Variants in MYO7A observed in about 807,000 individuals in gnomAD.
The protein encoded by MYO7A is myosin VIIA.
MYO7A carries 210 observed loss-of-function variants against 263.8 expected under a neutral mutation model. The observed-to-expected ratio is 0.80, with a 90% CI of 0.71 to 0.89. The LOEUF (loss-of-function observed/expected upper bound fraction) is 0.89, where lower values mean the gene tolerates loss of function less well. Ranked by LOEUF, MYO7A falls within the 40% of genes least tolerant of loss-of-function variation. The pLI is 0.00. For synonymous variants in MYO7A, 1,239 were observed against 1,197.3 expected (o/e 1.03, Z -0.72); for missense variants, 2,820 against 2,968.3 (o/e 0.95, Z 1.16).
intron 44 of MYO7A, among the ~76,000 whole-genome samples, chr11:77,209,602 C>T (rs1204609639): frequency 3.4e-5 from 5 of 148,156 alleles, no homozygotes; most frequent in African/African-American, 1.2e-4. Context: ...TCAGCCTTGA[C>T]ATCTGCTCCT....
Position 77,132,680 on chromosome 11 carries a change from G to T in MYO7A, c.18+2028G>T, listed in dbSNP as rs1591169270. On this transcript the variant is annotated intron_variant, in intron 2 of 48. Coordinates refer to ENST00000409709, the MANE Select transcript of MYO7A (RefSeq NM_000260.4). ...ATTTTTGTATTTTTAATAAAGACGG[G>T]GTTTCACCATGTTGGCCAGGATGGT... 2.0e-5 allele frequency among the ~76,000 whole-genome samples: 3 copies of T among 152,262 alleles called. No homozygotes were observed. The South Asian group carries it at 6.2e-4, about 32-fold the overall frequency.
At chr11:77,158,225 T>C in intron 8 of MYO7A, 52 bp from the exon 9 acceptor site, 2 of 1,512,644 alleles carry the variant, frequency 1.3e-6, no homozygotes, top group Non-Finnish European at 1.8e-6. Flanking sequence ...ACTGCCCCTC[T>C]GGGGGTACAC....
chr11:77,162,706 A>G lies in MYO7A; in HGVS notation c.1555-147A>G, dbSNP rs180781662. The G allele has an allele frequency of 5.6e-4, 573 of 1,025,000 alleles. 9 individuals are homozygous for G. The Admixed American group carries it at 0.013, about 24-fold the overall frequency. The allele number at this position is 1,025,000 out of a possible 1,614,324, so 63.5% of individuals were successfully genotyped here. ...ATTCATCCACTTAACAGATGGGGAA[A>G]TGGGGTTCCAGAGAGCGCCTATGTG... On this transcript the variant is annotated intron_variant, in intron 13 of 48. Coordinates refer to ENST00000409709, the MANE Select transcript of MYO7A (RefSeq NM_000260.4).
rs1361931124 is a variant in MYO7A, at chr11:77,179,409, G to T, written c.2367+280G>T. 2.6e-5 allele frequency among the ~76,000 whole-genome samples: 4 copies of T among 152,232 alleles called. No individual in the cohort carries two copies. In the South Asian group the frequency reaches 6.2e-4, roughly 24 times the overall value. On this transcript the variant is annotated intron_variant, in intron 20 of 48. Transcript: ENST00000409709. ...TAGAGATCTCAGACAGGGTGAGAGT[G>T]GCTGGGTCACATGGACCTCTGTGCA...
intron 3 of MYO7A, among the ~76,000 whole-genome samples, chr11:77,146,528 T>G (rs929757465): frequency 1.3e-5 from 2 of 151,958 alleles, no homozygotes; most frequent in Non-Finnish European, 2.9e-5. Flanking sequence ...TTTAGAGGGT[T>G]GAATGGGCAG....
chr11:77,131,941 G>A (rs560933831), intron 2 of MYO7A, among the ~76,000 whole-genome samples: 11 of 152,204 alleles, frequency 7.2e-5, no homozygotes, highest in East Asian at 1.9e-4. Flanking sequence ...CCTTGGGCAC[G>A]TTACTCAGCC....
At chr11:77,189,764 A>G (rs1955901908) in intron 28 of MYO7A, among the ~76,000 whole-genome samples, 1 of 152,208 alleles carries the variant, frequency 6.6e-6, no homozygotes, top group Non-Finnish European at 1.5e-5. Context: ...AGAGTGGAGC[A>G]GGTCATGGCA....
rs192018835 is a variant in MYO7A at position 77,208,484 on chromosome 11, G to C, written c.5911G>C (p.Asp1971His). 8.1e-6 allele frequency: 13 copies of C among 1,613,784 alleles called. No homozygotes were observed. Among genetic ancestry groups the C allele is most frequent in the Non-Finnish European group, 1.0e-5 (12 of 1,179,814 alleles). Reference sequence around the variant, plus strand: ...CTTTGACTTTGTTCGACACTTGACAGACTGGATAAAGAAAGCTCGGCCCAT... The same window carrying C: ...CTTTGACTTTGTTCGACACTTGACACACTGGATAAAGAAAGCTCGGCCCAT... ...FFFDFVRHLT[D>H]WIKKARPIKD... Residue 1971 changes from aspartate to histidine, a missense_variant, in exon 43 of 49, where the codon GAC (aspartate) becomes CAC (histidine). Asp to His is a moderately conservative substitution (Grantham distance 81). Transcript: ENST00000409709.
At chr11:77,202,225 T>C in intron 36 of MYO7A, 75 bp from the exon 37 acceptor site, 2 of 1,487,588 alleles carry the variant, frequency 1.3e-6, no homozygotes, top group South Asian at 1.3e-5. Context: ...TCCAGAAGGC[T>C]TCAGGGTATA....
At chr11:77,212,538 G>T in intron 46 of MYO7A, 1 of 346,938 alleles carries the variant, frequency 2.9e-6, no homozygotes, top group South Asian at 2.4e-5. Context: ...TGGAGGAGGG[G>T]TCTGAGGGGC....
At chr11:77,190,944 C>T (rs945517348) in intron 30 of MYO7A, 74 bp downstream of exon 30, 5 of 1,440,470 alleles carry the variant, frequency 3.5e-6, no homozygotes. Flanking sequence ...AGTGCTGCCA[C>T]CTACTTGCCG....
intron 4 of MYO7A, 34 bp from the exon 5 acceptor site, chr11:77,155,873 A>G (rs1555061278): frequency 6.5e-7 from 1 of 1,533,954 alleles, no homozygotes; most frequent in Non-Finnish European, 8.8e-7. Flanking sequence ...TCCCACATGG[A>G]ATCAGCGAGC....
intron 33 of MYO7A, among the ~76,000 whole-genome samples, chr11:77,198,034 C>T (rs1956794094): frequency 6.6e-6 from 1 of 152,262 alleles, no homozygotes; most frequent in Non-Finnish European, 1.5e-5. Context: ...ACAGGGCCAG[C>T]CCTGCTGGGC....
Position 77,201,582 on chromosome 11 carries a change from C to T in MYO7A, c.4987C>T (p.Pro1663Ser). The T allele has an allele frequency of 6.2e-7, 1 of 1,613,874 alleles. No homozygotes were observed. Among genetic ancestry groups the T allele is most frequent in the South Asian group, 1.1e-5 (1 of 91,084 alleles). The change falls in exon 36 of 49, where the codon CCC (proline) becomes TCC (serine). Residue 1663 changes from proline (P) to serine (S), a missense_variant. By Grantham distance (74) the Pro-to-Ser change is moderately conservative (BLOSUM62 -1). Transcript: ENST00000409709. ...GAGGACCAAGCAGCGTGGGGACTTC[C>T]CCACCGACAGTGTGTACGTCATGCC... is the stretch of plus-strand genomic sequence containing the variant. ...NERTKQRGDF[P>S]TDSVYVMPTV... is the part of the protein sequence containing the mutation.
intron 4 of MYO7A, among the ~76,000 whole-genome samples, chr11:77,152,203 T>C (rs1230432608): frequency 2.0e-5 from 3 of 152,252 alleles, no homozygotes; most frequent in African/African-American, 4.8e-5. Flanking sequence ...GTTAGGTAGA[T>C]ACATACATAC....
chr11:77,183,218 GGAGCACAGCT>G, intron 26 of MYO7A, 61 bp downstream of exon 26: 1 of 1,406,074 alleles, frequency 7.1e-7, no homozygotes, highest in Non-Finnish European at 9.8e-7. Context: ...GGCCTAGGCT[GGAGCACAGCT>G]GAGCTGGGGG....
At chr11:77,139,669 C>G (rs1951090182) in intron 2 of MYO7A, among the ~76,000 whole-genome samples, 1 of 152,212 alleles carries the variant, frequency 6.6e-6, no homozygotes, top group African/African-American at 2.4e-5. Context: ...GCTTCATCTT[C>G]TTTCATGGCT....
chr11:77,161,468 C>T (rs989880941), intron 12 of MYO7A, among the ~76,000 whole-genome samples: 14 of 152,190 alleles, frequency 9.2e-5, no homozygotes, highest in Admixed American at 5.9e-4. Flanking sequence ...TTGGGGTCTC[C>T]GCCACCCTTG....
chr11:77,211,259 C>G lies in MYO7A; in HGVS notation c.6159C>G (p.Phe2053Leu). ...AGTTCGAGGAGGACAAGTCCTACTTCCCCAGCATCCCCAAGCTGCTGCGGG... is the reference window on the plus strand; with the variant it reads ...AGTTCGAGGAGGACAAGTCCTACTTGCCCAGCATCCCCAAGCTGCTGCGGG... Reference protein sequence around the residue: ...RVKFEEDKSYFPSIPKLLREL... With the variant: ...RVKFEEDKSYLPSIPKLLREL... The change falls in exon 45 of 49, where the codon TTC (phenylalanine) becomes TTG (leucine). Residue 2053 changes from phenylalanine to leucine, a missense_variant. Coordinates refer to ENST00000409709, the MANE Select transcript of MYO7A (RefSeq NM_000260.4). 1 of 1,579,908 alleles carries G rather than the reference C, an allele frequency of 6.3e-7. No individual in the cohort carries two copies. Among genetic ancestry groups the G allele is most frequent in the Non-Finnish European group, 8.6e-7 (1 of 1,162,976 alleles).
Sources: allele counts gnomAD v4.1 joint callset (sites outside exome capture counted in the v4.1 genomes callset), GRCh38; gene constraint gnomAD v4.1.1; transcripts MANE v1.5; gene names NCBI Gene and HGNC (gene_info 2026-07-23, HGNC 2026-07-21).